The following CCDC171 variants were observed in gnomAD, a reference collection of about 807,000 sequenced individuals.
CCDC171 encodes coiled-coil domain-containing protein 171.
A neutral mutation model predicts 168.2 loss-of-function variants in CCDC171; 177 were observed. That is an observed-to-expected ratio of 1.05 (90% confidence interval 0.93 to 1.19). The LOEUF (loss-of-function observed/expected upper bound fraction) is 1.19. Ranked by LOEUF, CCDC171 falls within the 50% of genes most tolerant of loss-of-function variation. The probability of loss-of-function intolerance (pLI) is 0.00; values close to 1 mark genes in which losing one functional copy is unlikely to be tolerated. For missense variants in CCDC171, 1,991 were observed against 1,539.0 expected (o/e 1.29, Z -4.91); for synonymous variants, 687 against 540.8 (o/e 1.27, Z -3.75).
chr9:15,929,138 G>A (rs1340119404), intron 25 of CCDC171, among the ~76,000 whole-genome samples: 1 of 151,554 alleles, frequency 6.6e-6, no homozygotes, highest in African/African-American at 2.4e-5. Context: ...CCACAGTGAT[G>A]AAGTTTTACA....
chr9:15,890,630 G>A (rs1021378851), intron 24 of CCDC171, among the ~76,000 whole-genome samples: 6 of 143,936 alleles, frequency 4.2e-5, no homozygotes, highest in African/African-American at 1.6e-4. Flanking sequence ...CCTTCACAAT[G>A]TACAAAATAA....
intron 8 of CCDC171, among the ~76,000 whole-genome samples, chr9:16,037,321 C>T (rs1010721650): frequency 6.6e-6 from 1 of 152,146 alleles, no homozygotes; most frequent in African/African-American, 2.4e-5. Context: ...TGATTCTAGG[C>T]CATGATGCCA....
At chr9:15,649,889 C>G (rs1230621353) in intron 7 of CCDC171, among the ~76,000 whole-genome samples, 1 of 152,184 alleles carries the variant, frequency 6.6e-6, no homozygotes, top group Non-Finnish European at 1.5e-5. Flanking sequence ...GCCAGCCATC[C>G]CATTACTGGG....
At chr9:15,700,991 A>G (rs1043182343) in intron 11 of CCDC171, among the ~76,000 whole-genome samples, 3 of 151,816 alleles carry the variant, frequency 2.0e-5, no homozygotes, top group South Asian at 2.1e-4. Context: ...CTAATTTATG[A>G]TTTGAGCATT....
At chr9:15,897,976 C>CAGT (rs923592959) in intron 24 of CCDC171, among the ~76,000 whole-genome samples, 2 of 152,154 alleles carry the variant, frequency 1.3e-5, no homozygotes, top group African/African-American at 4.8e-5. Context: ...CACTGAACCA[C>CAGT]AGTTTCTTAG....
intron 21 of CCDC171, among the ~76,000 whole-genome samples, chr9:15,791,605 T>C (rs2058267300): frequency 6.6e-6 from 1 of 152,194 alleles, no homozygotes; most frequent in African/African-American, 2.4e-5. Flanking sequence ...CTTGCCTGAT[T>C]GCCCTGGTCA....
chr9:15,782,733 C>G (rs2057731347), intron 20 of CCDC171, among the ~76,000 whole-genome samples: 1 of 152,122 alleles, frequency 6.6e-6, no homozygotes, highest in South Asian at 2.1e-4. Context: ...AGAAATATAA[C>G]TGGAGTGCTG....
In CCDC171 at chr9:16,004,216, G is replaced by A. The variant is rs554820147; in HGVS notation, n.369-16373G>A. Among the ~76,000 whole-genome samples, 12 of 152,272 alleles carry A rather than the reference G, an allele frequency of 7.9e-5. No individual in the cohort carries two copies. In the South Asian group the frequency reaches 1.2e-3, roughly 16 times the overall value. On this transcript the variant is annotated intron_variant and non_coding_transcript_variant, in intron 3 of 9. Coordinates refer to the CCDC171 transcript ENST00000486641. The stretch of plus-strand genomic sequence containing the variant: ...CACATTCACATTTGGGGTAACACAA[G>A]CCAATAGTGAAGGCCCAAAGCAGAG...
intron 6 of CCDC171, among the ~76,000 whole-genome samples, chr9:15,598,339 G>T (rs2042548429): frequency 6.6e-6 from 1 of 151,940 alleles, no homozygotes; most frequent in South Asian, 2.1e-4. Flanking sequence ...AGAGATTCTG[G>T]TATGTTGTGT....
intron 21 of CCDC171, among the ~76,000 whole-genome samples, chr9:15,842,582 GT>G (rs879568690): frequency 1.3e-5 from 2 of 151,568 alleles, no homozygotes; most frequent in South Asian, 2.1e-4. Flanking sequence ...TTTTGATAAG[GT>G]TTTTTTTCTA....
At chr9:16,065,423 C>T (rs894753845), downstream of CCDC171, among the ~76,000 whole-genome samples, 1 of 152,168 alleles carries the variant, frequency 6.6e-6, no homozygotes, top group Non-Finnish European at 1.5e-5. Context: ...GAACTGAGCT[C>T]TCTTCCTGAT....
chr9:15,588,154 G>C (rs1441417995), intron 4 of CCDC171, among the ~76,000 whole-genome samples: 1 of 152,152 alleles, frequency 6.6e-6, no homozygotes, highest in Non-Finnish European at 1.5e-5. Flanking sequence ...AGAATCACTT[G>C]AACCTGGGCG....
At position 15,563,519 on chromosome 9, in the gene CCDC171, A is replaced by G. The variant is rs78481977; in HGVS notation, c.-111-459A>G. Among the ~76,000 whole-genome samples the G allele has an allele frequency of 4.1e-3, 617 of 152,312 alleles. 5 individuals are homozygous for G. The highest frequency in any genetic ancestry group is 0.014 in the African/African-American group (574 of 41,568). On this transcript the variant is annotated intron_variant, in intron 1 of 25. Transcript: ENST00000380701. ...ACATTGCAGTGTTGTAAGGATCACAATGCTATATATAAAATACCAATTACA... is the reference window on the plus strand; with the variant it reads ...ACATTGCAGTGTTGTAAGGATCACAGTGCTATATATAAAATACCAATTACA...
chr9:15,743,997 C>T (rs2055078735), intron 16 of CCDC171, among the ~76,000 whole-genome samples: 2 of 152,048 alleles, frequency 1.3e-5, no homozygotes, highest in Admixed American at 6.5e-5. Context: ...TATAAGTCTA[C>T]AGGAAATATA....
At chr9:15,978,295 A>G (rs764227540), downstream of CCDC171, among the ~76,000 whole-genome samples, 1 of 152,208 alleles carries the variant, frequency 6.6e-6, no homozygotes, top group Admixed American at 6.5e-5. Flanking sequence ...CAGAGTTCTC[A>G]TTCACAGTCA....
At chr9:15,880,449 T>TTC (rs956757370) in intron 24 of CCDC171, among the ~76,000 whole-genome samples, 13 of 142,206 alleles carry the variant, frequency 9.1e-5, no homozygotes, top group Non-Finnish European at 1.2e-4. Flanking sequence ...TCACTTCCAA[T>TTC]TCTCTCTCTC....
At chr9:15,706,329 G>C (rs564380295) in intron 11 of CCDC171, among the ~76,000 whole-genome samples, 2 of 151,646 alleles carry the variant, frequency 1.3e-5, no homozygotes, top group Non-Finnish European at 2.9e-5. Context: ...TCACTCTGTT[G>C]GTTGGGCTGG....
the CCDC171 span, among the ~76,000 whole-genome samples, chr9:16,091,443 T>C: frequency 1.3e-5 from 2 of 152,164 alleles, no homozygotes; most frequent in Admixed American, 6.5e-5. Flanking sequence ...GCTGAAGTCA[T>C]GAAATTGGGA....
intron 21 of CCDC171, among the ~76,000 whole-genome samples, chr9:15,798,093 T>G (rs144863638): frequency 6.6e-6 from 1 of 152,322 alleles, no homozygotes; most frequent in African/African-American, 2.4e-5. Flanking sequence ...CTGTAAGTCC[T>G]TTAACTTTGC....
Sources: allele counts gnomAD v4.1 joint callset (sites outside exome capture counted in the v4.1 genomes callset), GRCh38; gene constraint gnomAD v4.1.1; transcripts MANE v1.5; gene names NCBI Gene and HGNC (gene_info 2026-07-23, HGNC 2026-07-21).